Variants in DNAH12 observed in about 807,000 individuals in gnomAD.
DNAH12 encodes the protein dynein axonemal heavy chain 12, also known as axonemal beta dynein heavy chain 12.
Under a neutral mutation model 371.5 loss-of-function variants are expected in DNAH12, and 285 were observed. That is an observed-to-expected ratio of 0.77 (90% CI 0.70 to 0.85). The LOEUF is 0.85. Ranked by LOEUF, DNAH12 falls within the 40% of genes least tolerant of loss-of-function variation. DNAH12 has a pLI of 0.00. For missense variants in DNAH12, 3,611 were observed against 3,689.4 expected, an observed-to-expected ratio of 0.98 and a Z score of 0.55; for synonymous variants, 1,200 against 1,213.0, an observed-to-expected ratio of 0.99 and a Z score of 0.22.
chr3:57,502,477 A>G lies in DNAH12; in HGVS notation c.1089T>C (p.Asn363=), dbSNP rs1457802061. 3 of 1,613,812 alleles carry G rather than the reference A, an allele frequency of 1.9e-6. No individual in the cohort carries two copies. In the South Asian group the frequency reaches 3.3e-5, roughly 18 times the overall value. The change falls in exon 10 of 74, where the codon AAT becomes AAC. Residue 363 remains asparagine (N), a splice_region_variant and synonymous_variant. Transcript: ENST00000495027. ...ATAGCCAAGAGGGGATTGTTTGGACATTCTAACACAAATAAAAATAATAAC... is the reference window on the plus strand; with the variant it reads ...ATAGCCAAGAGGGGATTGTTTGGACGTTCTAACACAAATAAAAATAATAAC... ...LVERIAEALQ[N]VQTIPSWLSG... is the part of the protein sequence containing the mutation.
chr3:57,337,962 C>T (rs1367914421), intron 60 of DNAH12, among the ~76,000 whole-genome samples: 1 of 152,140 alleles, frequency 6.6e-6, no homozygotes, highest in African/African-American at 2.4e-5. Flanking sequence ...CCGGATTGGC[C>T]ATATGTTAGG....
At chr3:57,430,501 G>T (rs1428017468) in intron 32 of DNAH12, among the ~76,000 whole-genome samples, 1 of 151,972 alleles carries the variant, frequency 6.6e-6, no homozygotes, top group African/African-American at 2.4e-5. Context: ...TGTCTCCTTG[G>T]TCTCTTAATC....
chr3:57,445,726 T>C (rs3856704), intron 27 of DNAH12, among the ~76,000 whole-genome samples: 71,710 of 151,866 alleles, frequency 0.47, 18,043 homozygotes, highest in South Asian at 0.59. Flanking sequence ...CAGTGGCTCA[T>C]GCCTGTAATC....
intron 43 of DNAH12, among the ~76,000 whole-genome samples, chr3:57,400,880 C>A (rs1398838899): frequency 6.6e-6 from 1 of 152,148 alleles, no homozygotes; most frequent in Non-Finnish European, 1.5e-5. Flanking sequence ...CAGATATTTA[C>A]CAAACACTCC....
At chr3:57,498,230 A>C (rs2067383646) in intron 11 of DNAH12, 2 of 402,036 alleles carry the variant, frequency 5.0e-6, no homozygotes, top group Admixed American at 8.0e-5. Flanking sequence ...GATAAGCCCA[A>C]AGGTTGAAAA....
intron 58 of DNAH12, among the ~76,000 whole-genome samples, chr3:57,358,577 C>G (rs966741890): frequency 4.8e-4 from 73 of 152,132 alleles, no homozygotes; most frequent in Non-Finnish European, 9.6e-4. Flanking sequence ...ACTGTATAAC[C>G]ACAAATGAAC....
In DNAH12 at chr3:57,405,150, A is replaced by G. The variant is rs1553680656; in HGVS notation, c.6577-3T>C. 1.3e-5 allele frequency: 20 copies of G among 1,505,330 alleles called. No individual in the cohort carries two copies. Among genetic ancestry groups the G allele is most frequent in the African/African-American group, 1.4e-5 (1 of 69,956 alleles). The allele number at this position is 1,505,330 out of a possible 1,614,324, so 93.2% of individuals were successfully genotyped here. A position where few individuals can be genotyped will look rare whatever the true frequency, so the allele number is the denominator to read the frequency against. On this transcript the variant is annotated splice_polypyrimidine_tract_variant and splice_region_variant and intron_variant, in intron 41 of 73. Transcript: ENST00000495027. ...TTTCTTAAGTCTTCTTCAGTTACCT[A>G]TAGAAAGGAAATCAACAAATTTTAA...
chr3:57,540,669 C>T (rs1288213247), intron 2 of DNAH12, among the ~76,000 whole-genome samples: 1 of 152,166 alleles, frequency 6.6e-6, no homozygotes, highest in African/African-American at 2.4e-5. Context: ...GTGGCTCATG[C>T]CTGTAATTCC....
intron 5 of DNAH12, among the ~76,000 whole-genome samples, chr3:57,509,665 C>A (rs1173175268): frequency 6.6e-6 from 1 of 151,732 alleles, no homozygotes; most frequent in African/African-American, 2.4e-5. Context: ...AGTTTGAGAC[C>A]AGGCTAGCCA....
chr3:57,445,766 A>G (rs1027981352), intron 27 of DNAH12, among the ~76,000 whole-genome samples: 6 of 152,032 alleles, frequency 3.9e-5, no homozygotes, highest in African/African-American at 7.2e-5. Context: ...AGGCGGGCGA[A>G]TCATGAGGTC....
chr3:57,502,338 G>A lies in DNAH12; in HGVS notation c.1228C>T (p.His410Tyr). 1.2e-6 allele frequency: 2 copies of A among 1,614,022 alleles called. No individual in the cohort carries two copies. The highest frequency in any genetic ancestry group is 1.3e-5 in the African/African-American group (1 of 75,022). ...VHRNLEGARK[H>Y]YETYVEKYNW... ...TCATACACACCATATGTCTCATAAT[G>A]CTTTCTTGCACCTTCTAAGTTCCGA... The change falls in exon 10 of 74, where the codon CAT (histidine) becomes TAT (tyrosine). Residue 410 changes from histidine to tyrosine, a missense_variant. By Grantham distance (83) the His-to-Tyr change is moderately conservative (BLOSUM62 2). Transcript: ENST00000495027.
rs144618117 is a variant in DNAH12 at position 57,467,510 on chromosome 3, T to A, written c.2349+1226A>T. 1.9e-3 allele frequency among the ~76,000 whole-genome samples: 285 copies of A among 152,286 alleles called. 3 individuals carry two copies. Among genetic ancestry groups the A allele is most frequent in the African/African-American group, 6.5e-3 (269 of 41,542 alleles). ...TCTAAGCATTTTGCAAATGCTAAAA[T>A]TTTTTAATGTATTCATCTAGAAAAA... is the stretch of plus-strand genomic sequence containing the variant. On this transcript the variant is annotated intron_variant, in intron 17 of 73. Transcript: ENST00000495027.
intron 2 of DNAH12, among the ~76,000 whole-genome samples, chr3:57,541,213 G>A (rs2069268872): frequency 6.6e-6 from 1 of 151,718 alleles, no homozygotes; most frequent in Non-Finnish European, 1.5e-5. Flanking sequence ...CTAATTTTTT[G>A]TATTTTTAGT....
At chr3:57,424,017 G>T (rs1324295084) in intron 35 of DNAH12, among the ~76,000 whole-genome samples, 1 of 151,944 alleles carries the variant, frequency 6.6e-6, no homozygotes, top group African/African-American at 2.4e-5. Flanking sequence ...GGGATTACAG[G>T]CATGAGCCAC....
chr3:57,390,408 C>CAAAAA lies in DNAH12; in HGVS notation c.7305+1459_7305+1463dup, dbSNP rs878912244. 2.1e-3 allele frequency among the ~76,000 whole-genome samples: 13 copies of CAAAAA among 6,086 alleles called. 1 individual carries two copies. Among genetic ancestry groups the CAAAAA allele is most frequent in the African/African-American group, 2.6e-3 (10 of 3,784 alleles). 4.0% of individuals were successfully genotyped at this position (6,086 alleles called of 152,430 possible). ...AGCCTGGGCGACAGAGATCCTGTCT[C>CAAAAA]AAAAAAAAAAAAAAAAATATATATA... On this transcript the variant is annotated intron_variant, in intron 45 of 73. Coordinates refer to ENST00000495027, the MANE Select transcript of DNAH12 (RefSeq NM_001366028.2).
At chr3:57,468,571 C>A in intron 17 of DNAH12, 165 bp downstream of exon 17, 1 of 376,718 alleles carries the variant, frequency 2.7e-6, no homozygotes, top group Non-Finnish European at 4.2e-6. Flanking sequence ...GTCACCACTA[C>A]ACTCCAGCCT....
At chr3:57,376,595 A>G in intron 53 of DNAH12, among the ~76,000 whole-genome samples, 2 of 152,310 alleles carry the variant, frequency 1.3e-5, no homozygotes. Context: ...GCTTTGTTAG[A>G]TCAAGCCAGT....
intron 60 of DNAH12, among the ~76,000 whole-genome samples, chr3:57,341,922 A>G (rs2062410939): frequency 6.6e-6 from 1 of 152,212 alleles, no homozygotes; most frequent in Non-Finnish European, 1.5e-5. Context: ...CCAGACACAC[A>G]GACCAGTGGA....
chr3:57,428,595 CAAAG>C, intron 34 of DNAH12, 34 bp downstream of exon 34: 1 of 1,510,294 alleles, frequency 6.6e-7, no homozygotes, highest in Non-Finnish European at 8.8e-7. Context: ...TGAATGGAAA[CAAAG>C]AAACTTGAAT....
Sources: allele counts gnomAD v4.1 joint callset (sites outside exome capture counted in the v4.1 genomes callset), GRCh38; gene constraint gnomAD v4.1.1; transcripts MANE v1.5; gene names NCBI Gene and HGNC (gene_info 2026-07-23, HGNC 2026-07-21).